GCM2: variants seen among roughly 807,000 people sequenced by gnomAD.
GCM2 encodes the protein GCM transcription factor 2.
Under a neutral mutation model 24.8 loss-of-function variants are expected in GCM2, and 21 were observed. The observed-to-expected ratio is 0.85, with a 90% CI of 0.60 to 1.22. The LOEUF is 1.22. GCM2 is among the 50% of genes most tolerant of loss of function. The probability of loss-of-function intolerance (pLI) is 0.00; values close to 1 mark genes in which losing one functional copy is unlikely to be tolerated. For synonymous variants in GCM2, 222 were observed against 238.0 expected, an observed-to-expected ratio of 0.93 and a Z score of 0.62; for missense variants, 532 against 645.6, an observed-to-expected ratio of 0.82 and a Z score of 1.91.
At chr6:10,876,410 G>T in intron 3 of GCM2, 35 bp downstream of exon 3, 1 of 1,307,710 alleles carries the variant, frequency 7.6e-7, no homozygotes, top group Non-Finnish European at 1.1e-6. Context: ...CTGATGAAAA[G>T]TATCCATCAC....
rs149925208 is a variant in GCM2 at position 10,874,280 on chromosome 6, C to G, written c.1236G>C (p.Ser412=). Residue 412 remains serine, a synonymous_variant, in exon 5 of 5, where the codon TCG becomes TCC. Transcript: ENST00000379491. ...SDSVREVKSL[S]SCNYAPEDTG... is the part of the protein sequence containing the mutation. ...TATCTTCAGGAGCATAGTTACAGCTCGAAAGGCTCTTCACCTCTCGCACAC... is the reference window on the plus strand; with the variant it reads ...TATCTTCAGGAGCATAGTTACAGCTGGAAAGGCTCTTCACCTCTCGCACAC... The G allele has an allele frequency of 5.9e-5, 95 of 1,614,200 alleles. No homozygotes were observed. In the African/African-American group the frequency reaches 1.2e-3, roughly 20 times the overall value.
Position 10,881,734 on chromosome 6 carries a change from G to T in GCM2, c.60C>A (p.Ser20Arg), listed in dbSNP as rs1779962260. Residue 20 changes from serine to arginine, a missense_variant, in exon 1 of 5, where the codon AGC (serine) becomes AGA (arginine). This residue lies in a region of GCM2 where 96 missense variants were observed against 103.5 expected (regional missense o/e 0.93). Transcript: ENST00000379491. ...VGVCSYGMQL[S>R]WDINDPQMPQ... ...GCATCTGCGGATCGTTGATGTCCCAGCTGAGCTGCATCCCGTAGGAGCACA... is the reference window on the plus strand; with the variant it reads ...GCATCTGCGGATCGTTGATGTCCCATCTGAGCTGCATCCCGTAGGAGCACA... 8 of 1,611,694 alleles carry T rather than the reference G, an allele frequency of 5.0e-6. No individual in the cohort carries two copies. Among genetic ancestry groups the T allele is most frequent in the Non-Finnish European group, 6.8e-6 (8 of 1,179,920 alleles).
chr6:10,881,397 A>T (rs1039954373), intron 1 of GCM2, among the ~76,000 whole-genome samples: 1 of 151,914 alleles, frequency 6.6e-6, no homozygotes, highest in Non-Finnish European at 1.5e-5. Flanking sequence ...ACCTCAGATG[A>T]TCCACCCGCC....
intron 4 of GCM2, 42 bp from the exon 5 acceptor site, chr6:10,874,975 G>A (rs781002383): frequency 9.7e-6 from 13 of 1,340,196 alleles, no homozygotes; most frequent in East Asian, 4.6e-5. Context: ...TATGTAAATC[G>A]TGTGGACACC....
rs1222005536 is a variant in GCM2 at position 10,874,724 on chromosome 6, T to C, written c.792A>G (p.Pro264=). The C allele has an allele frequency of 6.2e-6, 10 of 1,614,156 alleles. No homozygotes were observed. The highest frequency in any genetic ancestry group is 8.5e-6 in the Non-Finnish European group (10 of 1,180,006). The change falls in exon 5 of 5, where the codon CCA becomes CCG. Residue 264 remains proline (P), a synonymous_variant. Coordinates refer to ENST00000379491, the MANE Select transcript of GCM2 (RefSeq NM_004752.4). ...AAGGTGGCCTAGGCAAATAGATTCTTGGGCTTGAGTATTTCTGGAAGGGTG... is the reference window on the plus strand; with the variant it reads ...AAGGTGGCCTAGGCAAATAGATTCTCGGGCTTGAGTATTTCTGGAAGGGTG... ...KMPPFQKYSS[P]RIYLPRPPCS... is the part of the protein sequence containing the mutation.
At chr6:10,875,088 G>C (rs190734068) in intron 4 of GCM2, among the ~76,000 whole-genome samples, 155 bp from the exon 5 acceptor site, 1 of 152,196 alleles carries the variant, frequency 6.6e-6, no homozygotes, top group African/African-American at 2.4e-5. Flanking sequence ...GTAAGCACGT[G>C]GTCCAGGGGT....
rs751668850 is a variant in GCM2, at chr6:10,874,054, C to A, written c.1462G>T (p.Ala488Ser). 22 of 1,614,190 alleles carry A rather than the reference C, an allele frequency of 1.4e-5. No individual in the cohort carries two copies. In the East Asian group the frequency reaches 4.9e-4, roughly 36 times the overall value. ...WDVCLSGLGS[A>S]VSYSDRVGPF... is the part of the protein sequence containing the mutation. ...CCCACTCTGTCTGAGTAACTGACTGCGGAGCCCAGCCCAGACAGACACACA... is the reference window on the plus strand; with the variant it reads ...CCCACTCTGTCTGAGTAACTGACTGAGGAGCCCAGCCCAGACAGACACACA... Residue 488 changes from alanine (A) to serine (S), a missense_variant, in exon 5 of 5, where the codon GCA becomes TCA. Physicochemically the swap from Ala to Ser is moderately conservative, Grantham distance 99 (BLOSUM62 1). Coordinates refer to ENST00000379491, the MANE Select transcript of GCM2 (RefSeq NM_004752.4).
chr6:10,876,463 G>T lies in GCM2; in HGVS notation c.438C>A (p.Gly146=). Residue 146 remains glycine (G), a synonymous_variant, in exon 3 of 5, where the codon GGC becomes GGA. Coordinates refer to ENST00000379491, the MANE Select transcript of GCM2 (RefSeq NM_004752.4). ...GACCTACCTGAAAAAAGATCGCGTT[G>T]CCATCAAGCCGCCAAAAGTTGGTTA... ...YPVTNFWRLD[G]NAIFFQAKGV... The T allele has an allele frequency of 6.2e-7, 1 of 1,610,884 alleles. No individual in the cohort carries two copies. Among genetic ancestry groups the T allele is most frequent in the Non-Finnish European group, 8.5e-7 (1 of 1,177,068 alleles).
chr6:10,877,044 C>CAG (rs1779892725), intron 2 of GCM2, 96 bp downstream of exon 2: 12 of 1,480,244 alleles, frequency 8.1e-6, no homozygotes, highest in Non-Finnish European at 9.3e-6. Flanking sequence ...GCCTGAGTGA[C>CAG]AGAGTGAGGC....
chr6:10,877,941 G>C (rs1382641768), intron 1 of GCM2, among the ~76,000 whole-genome samples: 1 of 152,208 alleles, frequency 6.6e-6, no homozygotes, highest in Non-Finnish European at 1.5e-5. Context: ...AAAAGCACTT[G>C]GCTCTGTATG....
At chr6:10,880,966 T>G (rs1779950060) in intron 1 of GCM2, among the ~76,000 whole-genome samples, 1 of 152,188 alleles carries the variant, frequency 6.6e-6, no homozygotes, top group African/African-American at 2.4e-5. Context: ...CTTAGCTTCC[T>G]CATGGATTTA....
chr6:10,876,954 T>C (rs1270551786), intron 2 of GCM2, among the ~76,000 whole-genome samples, 186 bp downstream of exon 2: 2 of 152,198 alleles, frequency 1.3e-5, no homozygotes, highest in African/African-American at 4.8e-5. Flanking sequence ...TCCCAGCTAC[T>C]TGGGAGGCTG....
chr6:10,881,712 T>C lies in GCM2; in HGVS notation c.82A>G (p.Met28Val). The change falls in exon 1 of 5, where the codon ATG becomes GTG. Residue 28 changes from methionine to valine, a missense_variant. This residue lies in a region of GCM2 where 96 missense variants were observed against 103.5 expected (regional missense o/e 0.93). Transcript: ENST00000379491. Reference sequence around the variant, plus strand: ...ACACCCGGTTCACTTACCTGAGGCATCTGCGGATCGTTGATGTCCCAGCTG... The same window carrying C: ...ACACCCGGTTCACTTACCTGAGGCACCTGCGGATCGTTGATGTCCCAGCTG... ...QLSWDINDPQ[M>V]PQELALFDQF... 1.2e-6 allele frequency: 2 copies of C among 1,611,360 alleles called. No individual in the cohort carries two copies. Among genetic ancestry groups the C allele is most frequent in the Non-Finnish European group, 1.7e-6 (2 of 1,179,344 alleles).
At position 10,873,707 on chromosome 6, in the gene GCM2, G is replaced by C. The variant is rs541026596; in HGVS notation, c.*288C>G. ...CCTGCTAATAAGCTAAGTGAACTTA[G>C]GTCAGTATTTAACCTCCTACAGTTT... is the stretch of plus-strand genomic sequence containing the variant. On this transcript the variant is annotated 3_prime_UTR_variant, in exon 5 of 5. Transcript: ENST00000379491. 1 of 440,806 alleles carries C rather than the reference G, an allele frequency of 2.3e-6. No homozygotes were observed. Among genetic ancestry groups the C allele is most frequent in the African/African-American group, 2.0e-5 (1 of 50,004 alleles). 27.3% of individuals were successfully genotyped at this position (440,806 alleles called of 1,614,324 possible).
At chr6:10,878,562 C>A (rs933403673) in intron 1 of GCM2, among the ~76,000 whole-genome samples, 1 of 152,182 alleles carries the variant, frequency 6.6e-6, no homozygotes, top group Non-Finnish European at 1.5e-5. Context: ...TCATGATCCA[C>A]CCACCTTGGC....
intron 4 of GCM2, 138 bp from the exon 5 acceptor site, chr6:10,875,071 A>C: frequency 1.4e-6 from 1 of 717,420 alleles, no homozygotes; most frequent in Non-Finnish European, 2.5e-6. Flanking sequence ...CTGCTCAGGT[A>C]CGTGATGTAA....
Position 10,882,017 on chromosome 6 carries a change from C to T in GCM2, c.-224G>A, listed in dbSNP as rs773728543. 3.6e-6 allele frequency: 2 copies of T among 559,988 alleles called. No individual in the cohort carries two copies. The highest frequency in any genetic ancestry group is 3.1e-5 in the East Asian group (1 of 32,548). 34.7% of individuals were successfully genotyped at this position (559,988 alleles called of 1,614,324 possible). A position where few individuals can be genotyped will look rare whatever the true frequency, so the allele number is the denominator to read the frequency against. ...CCTTGTCCTTGGCCGCGGTGCTGAA[C>T]GTTCTCCACCCGAACGGCAGCATCG... On this transcript the variant is annotated 5_prime_UTR_variant, in exon 1 of 5. Transcript: ENST00000379491.
chr6:10,876,286 T>C (rs1779876190), intron 3 of GCM2, among the ~76,000 whole-genome samples, 159 bp downstream of exon 3: 1 of 152,224 alleles, frequency 6.6e-6, no homozygotes, highest in Admixed American at 6.5e-5. Flanking sequence ...AGTGAATTTC[T>C]AGGCTCCCGC....
chr6:10,881,871 T>G lies in GCM2; in HGVS notation c.-78A>C. On this transcript the variant is annotated 5_prime_UTR_variant, in exon 1 of 5. Transcript: ENST00000379491. ...AAGGACAGGTGCGCCAGGTGGGTTTTTTTTCTTCTCTTTAAAGAAGAAAGT... is the reference window on the plus strand; with the variant it reads ...AAGGACAGGTGCGCCAGGTGGGTTTGTTTTCTTCTCTTTAAAGAAGAAAGT... The G allele has an allele frequency of 8.8e-7, 1 of 1,130,180 alleles. No homozygotes were observed. Among genetic ancestry groups the G allele is most frequent in the Non-Finnish European group, 1.3e-6 (1 of 763,490 alleles). 70.0% of individuals were successfully genotyped at this position (1,130,180 alleles called of 1,614,324 possible). A position where few individuals can be genotyped will look rare whatever the true frequency, so the allele number is the denominator to read the frequency against.
Sources: gnomAD v4.1 joint callset for allele counts (sites outside exome capture counted in the v4.1 genomes callset) on GRCh38, gnomAD v4.1.1 for gene constraint, gnomAD v4.1.1 regional missense constraint, MANE v1.5 for transcripts, NCBI Gene and HGNC (gene_info 2026-07-23, HGNC 2026-07-21) for gene names.